The following CLASP2 variants were observed in gnomAD, a reference collection of about 807,000 sequenced individuals.
CLASP2 encodes the protein CLIP-associating protein 2.
A neutral mutation model predicts 194.4 loss-of-function variants in CLASP2; 47 were observed. The observed-to-expected ratio is 0.24, with a 90% confidence interval of 0.19 to 0.31. CLASP2 has a LOEUF of 0.31. Ranked by LOEUF, CLASP2 falls within the 10% of genes least tolerant of loss-of-function variation. The pLI, the probability that CLASP2 is intolerant of heterozygous loss-of-function variation, is 1.00. For missense variants in CLASP2, 1,445 were observed against 1,823.6 expected, an observed-to-expected ratio of 0.79 and a Z score of 3.78; for synonymous variants, 619 against 633.5, an observed-to-expected ratio of 0.98 and a Z score of 0.34.
At chr3:33,698,358 T>C (rs1196545957) in intron 1 of CLASP2, among the ~76,000 whole-genome samples, 1 of 152,022 alleles carries the variant, frequency 6.6e-6, no homozygotes, top group East Asian at 1.9e-4. Context: ...AGGTCTCTAG[T>C]TGGGGAAAGC....
intron 21 of CLASP2, 89 bp downstream of exon 21, chr3:33,592,306 C>A (rs1195860149): frequency 2.2e-6 from 2 of 919,560 alleles, no homozygotes; most frequent in East Asian, 5.2e-5. Context: ...TCTTTATCCA[C>A]TGGTCAATCG....
chr3:33,718,239 A>G lies in CLASP2; in HGVS notation c.-237T>C, dbSNP rs975782543. 13 of 204,758 alleles carry G rather than the reference A, an allele frequency of 6.3e-5. No homozygotes were observed. Among genetic ancestry groups the G allele is most frequent in the East Asian group, 1.4e-4 (1 of 7,342 alleles). 12.7% of individuals were successfully genotyped at this position (204,758 alleles called of 1,614,324 possible). On this transcript the variant is annotated 5_prime_UTR_variant, in exon 1 of 39. Transcript: ENST00000682230. ...GCTTCAGAGGCCGCGGCCGCGGGCG[A>G]CGTCAGCACGCGCGTGACGTCAGCA...
intron 34 of CLASP2, 29 bp from the exon 35 acceptor site, chr3:33,517,203 T>C (rs1406508606): frequency 3.2e-6 from 5 of 1,559,816 alleles, no homozygotes; most frequent in East Asian, 2.3e-5. Flanking sequence ...ATTAGTTCTA[T>C]AACTTTATAG....
intron 22 of CLASP2, 32 bp downstream of exon 22, chr3:33,584,716 CAT>C (rs2066966946): frequency 7.0e-7 from 1 of 1,424,406 alleles, no homozygotes; most frequent in African/African-American, 1.5e-5. Context: ...AAAAGGGTTA[CAT>C]GTCTCACATA....
chr3:33,678,375 AG>A (rs962331801), intron 6 of CLASP2, among the ~76,000 whole-genome samples: 1 of 152,104 alleles, frequency 6.6e-6, no homozygotes, highest in East Asian at 1.9e-4. Context: ...AAGTAACCAG[AG>A]GGGGAAAAAA....
At chr3:33,600,282 C>T (rs538336835) in intron 18 of CLASP2, among the ~76,000 whole-genome samples, 1 of 152,156 alleles carries the variant, frequency 6.6e-6, no homozygotes, top group South Asian at 2.1e-4. Flanking sequence ...TGGACATTCT[C>T]GTCTTGTTAC....
At chr3:33,677,622 T>A (rs1489406808) in intron 6 of CLASP2, among the ~76,000 whole-genome samples, 1 of 150,006 alleles carries the variant, frequency 6.7e-6, no homozygotes, top group African/African-American at 2.5e-5. Flanking sequence ...AGTTAGTGGG[T>A]GCAGCACACC....
At chr3:33,580,812 G>A (rs531670646) in intron 23 of CLASP2, among the ~76,000 whole-genome samples, 3 of 151,946 alleles carry the variant, frequency 2.0e-5, no homozygotes, top group African/African-American at 4.8e-5. Flanking sequence ...TCAGGAGATC[G>A]AGACCATCCT....
Position 33,581,825 on chromosome 3 carries a change from G to C in CLASP2, c.2343C>G (p.Pro781=), listed in dbSNP as rs781599212. 1.9e-6 allele frequency: 3 copies of C among 1,611,818 alleles called. No individual in the cohort carries two copies. The highest frequency in any genetic ancestry group is 1.1e-5 in the South Asian group (1 of 90,694). ...AACACCTGCCCGAATACGTACCGAG[G>C]GGCTGAAAAGAGCGAACAGGACTTG... ...RDTSPVRSFQ[P]LGPGYGISQS... is the part of the protein sequence containing the mutation. The change falls in exon 23 of 39, where the codon CCC becomes CCG. Residue 781 remains proline, a synonymous_variant. Transcript: ENST00000682230.
At chr3:33,501,905 T>C in intron 37 of CLASP2, 137 bp from the exon 38 acceptor site, 1 of 616,682 alleles carries the variant, frequency 1.6e-6, no homozygotes, top group Non-Finnish European at 2.9e-6. Context: ...CAAAGTTAAC[T>C]TTTTAACCTT....
intron 1 of CLASP2, among the ~76,000 whole-genome samples, chr3:33,702,649 A>G (rs115334634): frequency 0.027 from 4,039 of 152,300 alleles, 112 homozygotes; most frequent in African/African-American, 0.07. Flanking sequence ...CACGATGAAG[A>G]AAGTGAAAAG....
chr3:33,562,429 AC>A (rs1446710971), intron 27 of CLASP2, among the ~76,000 whole-genome samples: 1 of 152,046 alleles, frequency 6.6e-6, no homozygotes, highest in Non-Finnish European at 1.5e-5. Flanking sequence ...CTAATCTGGT[AC>A]TCATTCTTAC....
At chr3:33,669,387 T>C (rs1457188962) in intron 6 of CLASP2, among the ~76,000 whole-genome samples, 2 of 152,056 alleles carry the variant, frequency 1.3e-5, no homozygotes, top group Non-Finnish European at 2.9e-5. Flanking sequence ...GGCACAGAAA[T>C]TTCTACTCAT....
intron 34 of CLASP2, among the ~76,000 whole-genome samples, chr3:33,522,910 AAC>A (rs1425753607): frequency 6.6e-6 from 1 of 152,186 alleles, no homozygotes; most frequent in East Asian, 1.9e-4. Flanking sequence ...CTCTACTAAA[AAC>A]ACACACACAC....
intron 19 of CLASP2, among the ~76,000 whole-genome samples, chr3:33,595,602 G>A (rs1229217329): frequency 6.6e-6 from 1 of 151,352 alleles, no homozygotes; most frequent in Non-Finnish European, 1.5e-5. Context: ...AATAATATAC[G>A]TCTGTGTATT....
At chr3:33,713,720 GT>G (rs1372069835) in intron 1 of CLASP2, among the ~76,000 whole-genome samples, 2 of 151,608 alleles carry the variant, frequency 1.3e-5, no homozygotes, top group Admixed American at 1.3e-4. Context: ...GTCTGGCTCT[GT>G]TGCCCAGGCT....
intron 25 of CLASP2, 59 bp from the exon 26 acceptor site, chr3:33,570,849 G>T: frequency 9.7e-5 from 111 of 1,144,260 alleles, no homozygotes; most frequent in Non-Finnish European, 1.2e-4. Context: ...TCATGTAAAA[G>T]TAACTTTACA....
At chr3:33,579,837 T>C (rs2065640622) in intron 23 of CLASP2, among the ~76,000 whole-genome samples, 1 of 152,120 alleles carries the variant, frequency 6.6e-6, no homozygotes, top group Non-Finnish European at 1.5e-5. Flanking sequence ...ATGATATACA[T>C]TCTTAAACCA....
chr3:33,571,565 G>A (rs929612366), intron 25 of CLASP2, among the ~76,000 whole-genome samples: 5 of 151,714 alleles, frequency 3.3e-5, no homozygotes, highest in Non-Finnish European at 7.4e-5. Flanking sequence ...AACCCGGGGG[G>A]CAGAGGTTGC....
Sources: allele counts gnomAD v4.1 joint callset (sites outside exome capture counted in the v4.1 genomes callset), GRCh38; gene constraint gnomAD v4.1.1; transcripts MANE v1.5; gene names NCBI Gene and HGNC (gene_info 2026-07-23, HGNC 2026-07-21).